MEX3A: variants seen among roughly 807,000 people sequenced by gnomAD.
MEX3A encodes the protein RNA-binding protein MEX3A.
Under a neutral mutation model 30.0 loss-of-function variants are expected in MEX3A, and 4 were observed. The observed-to-expected ratio is 0.13, with a 90% confidence interval of 0.07 to 0.30. The LOEUF is 0.30. MEX3A is among the 10% of genes least tolerant of loss of function. The probability of loss-of-function intolerance (pLI) is 1.00; values close to 1 mark genes in which losing one functional copy is unlikely to be tolerated. For synonymous variants in MEX3A, 335 were observed against 327.6 expected (o/e 1.02, Z -0.24); for missense variants, 555 against 736.7 (o/e 0.75, Z 2.86).
chr1:156,077,154 C>T lies in MEX3A; in HGVS notation c.983G>A (p.Cys328Tyr). ...SDAWRVHQPG[C>Y]KPLSTFRQNS... The stretch of plus-strand genomic sequence containing the variant: ...CTGCCGGAAGGTGGAGAGGGGCTTG[C>T]AGCCGGGCTGGTGCACCCGCCAGGC... Residue 328 changes from cysteine to tyrosine, a missense_variant, in exon 2 of 2, where the codon TGC becomes TAC. Around this residue, in one of 6 missense-constraint regions of MEX3A, gnomAD observed 281 missense variants for 265.1 expected, o/e 1.06. Coordinates refer to ENST00000532414, the MANE Select transcript of MEX3A (RefSeq NM_001093725.2). This position sits in a 1 kb window ranked among gnomAD's most constrained non-coding sequence, Gnocchi z 8.3. 2 of 1,613,522 alleles carry T rather than the reference C, an allele frequency of 1.2e-6. No homozygotes were observed. Among genetic ancestry groups the T allele is most frequent in the Non-Finnish European group, 8.5e-7 (1 of 1,179,822 alleles).
intron 1 of MEX3A, among the ~76,000 whole-genome samples, chr1:156,078,888 C>T (rs1215116338): frequency 6.6e-6 from 1 of 152,084 alleles, no homozygotes; most frequent in Non-Finnish European, 1.5e-5. Flanking sequence ...CCCTGTGTTT[C>T]GGCCTTTCAT....
chr1:156,080,136 G>A (rs1648178045), intron 1 of MEX3A, among the ~76,000 whole-genome samples: 1 of 152,162 alleles, frequency 6.6e-6, no homozygotes, highest in African/African-American at 2.4e-5. Flanking sequence ...TTAAATTCCG[G>A]GGCCTCCCAA....
At position 156,073,032 on chromosome 1, in the gene MEX3A, T is replaced by TG. The variant is rs1244109994; in HGVS notation, c.*3541dup. The TG allele has an allele frequency of 6.6e-6, 1 of 152,426 alleles. No individual in the cohort carries two copies. Among genetic ancestry groups the TG allele is most frequent in the East Asian group, 1.9e-4 (1 of 5,322 alleles). The allele number at this position is 152,426 out of a possible 1,614,324, so 9.4% of individuals were successfully genotyped here. ...AGGGGACTGATCGCCTCAGTGCTCT[T>TG]GAAGCTCTGAAGGTGAGAAGCGTGT... On this transcript the variant is annotated 3_prime_UTR_variant, in exon 2 of 2. Coordinates refer to ENST00000532414, the MANE Select transcript of MEX3A (RefSeq NM_001093725.2).
In MEX3A at chr1:156,077,495, A is replaced by G. The variant is rs1276286386; in HGVS notation, c.642T>C (p.Phe214=). Residue 214 remains phenylalanine (F), a synonymous_variant, in exon 2 of 2, where the codon TTT becomes TTC. Transcript: ENST00000532414. This position sits in a 1 kb window ranked among gnomAD's most constrained non-coding sequence, Gnocchi z 8.3. ...RASRNKSGAA[F]GVAPALPGQV... is the part of the protein sequence containing the mutation. Reference sequence around the variant, plus strand: ...GGCCGGGCAGAGCAGGAGCCACACCAAAGGCGGCGCCTGACTTGTTGCGGG... The same window carrying G: ...GGCCGGGCAGAGCAGGAGCCACACCGAAGGCGGCGCCTGACTTGTTGCGGG... The G allele has an allele frequency of 1.9e-6, 3 of 1,613,242 alleles. No individual in the cohort carries two copies. The highest frequency in any genetic ancestry group is 3.3e-5 in the Admixed American group (2 of 59,892).
intron 1 of MEX3A, among the ~76,000 whole-genome samples, chr1:156,080,406 G>A (rs1253822292): frequency 6.6e-6 from 1 of 151,658 alleles, no homozygotes; most frequent in African/African-American, 2.4e-5. Context: ...CCCCTGGCCC[G>A]CCTCCCCTTT....
chr1:156,076,895 A>AGAG lies in MEX3A; in HGVS notation c.1239_1241dup (p.Ser415dup), dbSNP rs748307958. On this transcript the variant is annotated inframe_insertion, in exon 2 of 2. Coordinates refer to ENST00000532414, the MANE Select transcript of MEX3A (RefSeq NM_001093725.2). This position sits in a 1 kb window ranked among gnomAD's most constrained non-coding sequence, Gnocchi z 6.0. The stretch of plus-strand genomic sequence containing the variant: ...GGGGCCCAGCGCGGGCCTTGGCGGA[A>AGAG]GAGGAGGAGGAGGAGGAGGCAGAGG... The AGAG allele has an allele frequency of 7.7e-6, 12 of 1,554,962 alleles. No homozygotes were observed. The highest frequency in any genetic ancestry group is 2.4e-5 in the East Asian group (1 of 41,770).
Position 156,077,748 on chromosome 1 carries a change from T to A in MEX3A, c.455-66A>T. On this transcript the variant is annotated intron_variant, in intron 1 of 1. Transcript: ENST00000532414. The surrounding 1 kb of genome is among the most constrained non-coding windows in gnomAD (Gnocchi z 8.3). ...ACAGCAAGGTTTGTGCTGGGACCAA[T>A]AAATTCCTGATCCTTACCCAAATAC... is the stretch of plus-strand genomic sequence containing the variant. The A allele has an allele frequency of 6.7e-7, 1 of 1,492,578 alleles. No homozygotes were observed. Among genetic ancestry groups the A allele is most frequent in the Non-Finnish European group, 8.9e-7 (1 of 1,127,278 alleles). 92.5% of individuals were successfully genotyped at this position (1,492,578 alleles called of 1,614,324 possible). A position where few individuals can be genotyped will look rare whatever the true frequency, so the allele number is the denominator to read the frequency against.
chr1:156,081,537 C>T lies in MEX3A; in HGVS notation c.454+8G>A. ...AGTCCCTCTCAGTGGTCCCGGCGCC[C>T]CGCTTACCTTGCCTGCCCACGATCT... On this transcript the variant is annotated splice_region_variant and intron_variant, in intron 1 of 1. Coordinates refer to ENST00000532414, the MANE Select transcript of MEX3A (RefSeq NM_001093725.2). 1 of 1,603,686 alleles carries T rather than the reference C, an allele frequency of 6.2e-7. No homozygotes were observed. The highest frequency in any genetic ancestry group is 8.5e-7 in the Non-Finnish European group (1 of 1,176,718).
In MEX3A at chr1:156,081,819, C is replaced by G. The variant is rs1648256696; in HGVS notation, c.180G>C (p.Glu60Asp). 3 of 1,354,784 alleles carry G rather than the reference C, an allele frequency of 2.2e-6. No homozygotes were observed. Among genetic ancestry groups the G allele is most frequent in the Non-Finnish European group, 2.9e-6 (3 of 1,041,178 alleles). 83.9% of individuals were successfully genotyped at this position (1,354,784 alleles called of 1,614,324 possible). Residue 60 changes from glutamate to aspartate, a missense_variant, in exon 1 of 2, where the codon GAG (glutamate) becomes GAC (aspartate). Physicochemically the swap from Glu to Asp is conservative, Grantham distance 45. Coordinates refer to ENST00000532414, the MANE Select transcript of MEX3A (RefSeq NM_001093725.2). ...LGEPPAPTAG[E>D]DGGGGGGGAP... ...CGCCGCCCCCCCCACCTCCCCCGTC[C>G]TCGCCCGCCGTGGGGGCGGGGGGCT...
At position 156,075,587 on chromosome 1, in the gene MEX3A, G is replaced by A. The variant is rs1162586733; in HGVS notation, c.*987C>T. On this transcript the variant is annotated 3_prime_UTR_variant, in exon 2 of 2. Coordinates refer to ENST00000532414, the MANE Select transcript of MEX3A (RefSeq NM_001093725.2). ...CAATAATTTGAGATGTTTCTTTGGA[G>A]GAGTGGGGGAGAGGGCCTCCAGATG... is the stretch of plus-strand genomic sequence containing the variant. 2.0e-5 allele frequency: 3 copies of A among 152,896 alleles called. No homozygotes were observed. The highest frequency in any genetic ancestry group is 1.9e-4 in the East Asian group (1 of 5,322). 9.5% of individuals were successfully genotyped at this position (152,896 alleles called of 1,614,324 possible).
At position 156,073,625 on chromosome 1, in the gene MEX3A, AGG is replaced by A. The variant is rs1647975392; in HGVS notation, c.*2947_*2948del. ...CTAGTAATTGTTTCTTTCTCTCTCT[AGG>A]ATTATATGAAATAAATTTGAATTAT... On this transcript the variant is annotated 3_prime_UTR_variant, in exon 2 of 2. Transcript: ENST00000532414. 2 of 152,420 alleles carry A rather than the reference AGG, an allele frequency of 1.3e-5. No individual in the cohort carries two copies. The highest frequency in any genetic ancestry group is 2.9e-5 in the Non-Finnish European group (2 of 68,014). 9.4% of individuals were successfully genotyped at this position (152,420 alleles called of 1,614,324 possible).
rs760483631 is a variant in MEX3A at position 156,076,838 on chromosome 1, C to A, written c.1299G>T (p.Ala433=). 13 of 1,547,076 alleles carry A rather than the reference C, an allele frequency of 8.4e-6. No individual in the cohort carries two copies. The East Asian group carries it at 1.5e-4, about 17-fold the overall frequency. ...TCGGGAGTCCGGCCAGCTCGGGTCC[C>A]GCGGAAGTGGCAGGGGAGCGGTGTG... is the stretch of plus-strand genomic sequence containing the variant. ...PGAHRSPATS[A]GPELAGLPRR... is the part of the protein sequence containing the mutation. Residue 433 remains alanine, a synonymous_variant, in exon 2 of 2, where the codon GCG becomes GCT. Coordinates refer to ENST00000532414, the MANE Select transcript of MEX3A (RefSeq NM_001093725.2). The surrounding 1 kb of genome is among the most constrained non-coding windows in gnomAD (Gnocchi z 6.0).
At chr1:156,078,612 A>C (rs1442558772) in intron 1 of MEX3A, among the ~76,000 whole-genome samples, 1 of 152,052 alleles carries the variant, frequency 6.6e-6, no homozygotes, top group African/African-American at 2.4e-5. Flanking sequence ...AAGAGGGAGA[A>C]GGCTAGAGAG....
In MEX3A at chr1:156,077,426, C is replaced by T; in HGVS notation, c.711G>A (p.Leu237=). Residue 237 remains leucine (L), a synonymous_variant, in exon 2 of 2, where the codon CTG becomes CTA. Coordinates refer to ENST00000532414, the MANE Select transcript of MEX3A (RefSeq NM_001093725.2). The surrounding 1 kb of genome is among the most constrained non-coding windows in gnomAD (Gnocchi z 8.3). ...RVRVPYRVVG[L]VVGPKGATIK... is the part of the protein sequence containing the mutation. ...TGGTTGCCCCTTTGGGGCCCACCAC[C>T]AGCCCCACCACGCGGTAGGGCACCC... 2.5e-6 allele frequency: 4 copies of T among 1,613,792 alleles called. No individual in the cohort carries two copies. Among genetic ancestry groups the T allele is most frequent in the Non-Finnish European group, 3.4e-6 (4 of 1,179,804 alleles).
rs1647998098 is a variant in MEX3A at position 156,074,322 on chromosome 1, T to TC, written c.*2251dup. The TC allele has an allele frequency of 3.3e-5, 5 of 152,166 alleles. No individual in the cohort carries two copies. In the South Asian group the frequency reaches 1.0e-3, roughly 32 times the overall value. The allele number at this position is 152,166 out of a possible 1,614,324, so 9.4% of individuals were successfully genotyped here. ...TTACCTAATAAAAAGTCTTTTTTTTTCATATTAGCCCAGGTTCTTTGCTAC... is the reference window on the plus strand; with the variant it reads ...TTACCTAATAAAAAGTCTTTTTTTTTCCATATTAGCCCAGGTTCTTTGCTAC... On this transcript the variant is annotated 3_prime_UTR_variant, in exon 2 of 2. Transcript: ENST00000532414.
In MEX3A at chr1:156,081,666, G is replaced by C; in HGVS notation, c.333C>G (p.Ser111Arg). ...PQPPTAPKGA[S>R]DAKLCALYKE... is the part of the protein sequence containing the mutation. ...TGTAGAGAGCGCAGAGCTTGGCGTC[G>C]CTCGCCCCTTTGGGGGCGGTGGGGG... The change falls in exon 1 of 2, where the codon AGC becomes AGG. Residue 111 changes from serine to arginine, a missense_variant. Coordinates refer to ENST00000532414, the MANE Select transcript of MEX3A (RefSeq NM_001093725.2). 1 of 1,503,416 alleles carries C rather than the reference G, an allele frequency of 6.7e-7. No individual in the cohort carries two copies. Among genetic ancestry groups the C allele is most frequent in the South Asian group, 1.2e-5 (1 of 81,988 alleles). The allele number at this position is 1,503,416 out of a possible 1,614,324, so 93.1% of individuals were successfully genotyped here.
In MEX3A at chr1:156,076,570, G is replaced by A; in HGVS notation, c.*4C>T. 6.2e-7 allele frequency: 1 copy of A among 1,608,398 alleles called. No homozygotes were observed. Among genetic ancestry groups the A allele is most frequent in the East Asian group, 2.2e-5 (1 of 44,720 alleles). ...GTGGGCCCCGGAGGCATGGGGCACGGGGCTTAGGAGAATATTCGGATGGCT... is the reference window on the plus strand; with the variant it reads ...GTGGGCCCCGGAGGCATGGGGCACGAGGCTTAGGAGAATATTCGGATGGCT... On this transcript the variant is annotated 3_prime_UTR_variant, in exon 2 of 2. Transcript: ENST00000532414. This position sits in a 1 kb window ranked among gnomAD's most constrained non-coding sequence, Gnocchi z 6.0.
rs990514711 is a variant in MEX3A, at chr1:156,077,737, G to C, written c.455-55C>G. ...AAGAAACGCACACAGCAAGGTTTGT[G>C]CTGGGACCAATAAATTCCTGATCCT... On this transcript the variant is annotated intron_variant, in intron 1 of 1. Coordinates refer to ENST00000532414, the MANE Select transcript of MEX3A (RefSeq NM_001093725.2). This position sits in a 1 kb window ranked among gnomAD's most constrained non-coding sequence, Gnocchi z 8.3. 4 of 1,507,502 alleles carry C rather than the reference G, an allele frequency of 2.7e-6. No individual in the cohort carries two copies. 93.4% of individuals were successfully genotyped at this position (1,507,502 alleles called of 1,614,324 possible). A position where few individuals can be genotyped will look rare whatever the true frequency, so the allele number is the denominator to read the frequency against.
chr1:156,078,943 C>T (rs975931042), intron 1 of MEX3A, among the ~76,000 whole-genome samples: 31 of 152,194 alleles, frequency 2.0e-4, no homozygotes, highest in Non-Finnish European at 3.4e-4. Context: ...ACAAACAGCA[C>T]ATTCCTATAC....
Sources: gnomAD v4.1 joint callset for allele counts (sites outside exome capture counted in the v4.1 genomes callset) on GRCh38, gnomAD v4.1.1 for gene constraint, gnomAD v4.1.1 regional missense constraint, Gnocchi (gnomAD v3.1) non-coding constraint, MANE v1.5 for transcripts, NCBI Gene and HGNC (gene_info 2026-07-23, HGNC 2026-07-21) for gene names.